The following PJA2 variants were observed in gnomAD, a reference collection of about 807,000 sequenced individuals.
PJA2 encodes E3 ubiquitin-protein ligase Praja-2.
A neutral mutation model predicts 69.3 loss-of-function variants in PJA2; 25 were observed. The observed-to-expected ratio is 0.36, with a 90% confidence interval of 0.26 to 0.50. The LOEUF (loss-of-function observed/expected upper bound fraction) is 0.50. Among genes scored for constraint, PJA2 ranks in the 20% least tolerant of loss-of-function variants. PJA2 has a pLI of 0.96. For synonymous variants in PJA2, 308 were observed against 277.8 expected (o/e 1.11, Z -1.08); for missense variants, 809 against 830.2 (o/e 0.97, Z 0.31).
At chr5:109,344,461 T>G (rs1762141035) in intron 8 of PJA2, 150 bp from the exon 9 acceptor site, 9 of 856,328 alleles carry the variant, frequency 1.1e-5, no homozygotes, top group Non-Finnish European at 1.4e-5. Context: ...GTCTAATACT[T>G]GGCAATTTGG....
chr5:109,368,481 A>T, intron 5 of PJA2, 80 bp downstream of exon 5: 1 of 1,270,008 alleles, frequency 7.9e-7, no homozygotes, highest in South Asian at 1.5e-5. Flanking sequence ...AATACAATTA[A>T]TGGCATATCC....
chr5:109,392,826 G>C (rs529188553), intron 1 of PJA2, among the ~76,000 whole-genome samples: 1 of 152,044 alleles, frequency 6.6e-6, no homozygotes, highest in Non-Finnish European at 1.5e-5. Flanking sequence ...AACGAAATCC[G>C]GCCTGTTTCC....
At chr5:109,387,847 A>G (rs1747194137) in intron 1 of PJA2, among the ~76,000 whole-genome samples, 1 of 152,104 alleles carries the variant, frequency 6.6e-6, no homozygotes, top group African/African-American at 2.4e-5. Flanking sequence ...TTTTTTATTT[A>G]CATACACTTT....
chr5:109,360,173 C>A (rs1762484351), intron 6 of PJA2, among the ~76,000 whole-genome samples: 1 of 152,162 alleles, frequency 6.6e-6, no homozygotes, highest in Admixed American at 6.5e-5. Context: ...TAACTTCTCA[C>A]AATCTTATTA....
chr5:109,367,418 T>C (rs1762603550), intron 5 of PJA2, among the ~76,000 whole-genome samples: 1 of 151,430 alleles, frequency 6.6e-6, no homozygotes, highest in African/African-American at 2.4e-5. Context: ...TTTACCAAAA[T>C]AGTTCCCATG....
intron 2 of PJA2, among the ~76,000 whole-genome samples, chr5:109,381,916 C>T (rs543796620): frequency 6.6e-6 from 1 of 152,122 alleles, no homozygotes; most frequent in East Asian, 1.9e-4. Flanking sequence ...GTGGCCTTTT[C>T]CCTTCAAAAA....
In PJA2 at chr5:109,371,234, G is replaced by A. The variant is rs138038703; in HGVS notation, c.1284-2488C>T. 5.3e-3 allele frequency among the ~76,000 whole-genome samples: 800 copies of A among 152,142 alleles called. 4 individuals are homozygous for A. The highest frequency in any genetic ancestry group is 8.4e-3 in the Non-Finnish European group (571 of 68,006). ...AATGCTAAGGAGACAACTTTTAAAT[G>A]CATATCCCCAGCCAGCCCCAACCAT... On this transcript the variant is annotated intron_variant, in intron 4 of 9. Transcript: ENST00000361189.
chr5:109,386,413 AG>A (rs2127010355), intron 1 of PJA2, among the ~76,000 whole-genome samples: 1 of 152,286 alleles, frequency 6.6e-6, no homozygotes, highest in East Asian at 1.9e-4. Flanking sequence ...TACTAAAGAG[AG>A]GAAAGGAATT....
chr5:109,360,965 T>C (rs781658267), intron 6 of PJA2, among the ~76,000 whole-genome samples: 1 of 152,062 alleles, frequency 6.6e-6, no homozygotes, highest in Non-Finnish European at 1.5e-5. Context: ...CTGTCTGTAC[T>C]GAAAATACAC....
At chr5:109,352,456 A>T (rs1762269482) in intron 7 of PJA2, among the ~76,000 whole-genome samples, 2 of 152,156 alleles carry the variant, frequency 1.3e-5, no homozygotes, top group Non-Finnish European at 2.9e-5. Flanking sequence ...AGTGATCCTT[A>T]ATCTTTATGT....
At chr5:109,387,830 C>T (rs1554055416) in intron 1 of PJA2, among the ~76,000 whole-genome samples, 1 of 152,214 alleles carries the variant, frequency 6.6e-6, no homozygotes, top group Admixed American at 6.5e-5. Context: ...AGACAAAGGC[C>T]TGTTTATTTT....
chr5:109,349,305 G>A (rs1422518840), intron 7 of PJA2, among the ~76,000 whole-genome samples: 1 of 152,170 alleles, frequency 6.6e-6, no homozygotes, highest in African/African-American at 2.4e-5. Context: ...CCTCCTAACA[G>A]CTGGCATGAT....
chr5:109,359,374 C>T (rs1280806049), intron 6 of PJA2, among the ~76,000 whole-genome samples: 1 of 151,696 alleles, frequency 6.6e-6, no homozygotes, highest in Middle Eastern at 3.2e-3. Context: ...GATCAGCACC[C>T]CTAACCCGTG....
At chr5:109,376,667 AAAAT>A (rs1012123999) in intron 4 of PJA2, among the ~76,000 whole-genome samples, 48 of 152,294 alleles carry the variant, frequency 3.2e-4, no homozygotes, top group Middle Eastern at 6.8e-3. Flanking sequence ...CACTTTCAAA[AAAAT>A]AAATTATCAA....
chr5:109,352,681 T>G (rs1447219179), intron 7 of PJA2, among the ~76,000 whole-genome samples: 1 of 151,986 alleles, frequency 6.6e-6, no homozygotes, highest in African/African-American at 2.4e-5. Context: ...GACAGTTATA[T>G]ATGTAAAAAA....
At chr5:109,379,278 A>AT in intron 3 of PJA2, 24 bp from the exon 4 acceptor site, 1 of 1,511,600 alleles carries the variant, frequency 6.6e-7, no homozygotes, top group South Asian at 1.3e-5. Flanking sequence ...AAAAGAAAAC[A>AT]TATTTTAAAG....
chr5:109,363,004 T>A lies in PJA2; in HGVS notation c.1488A>T (p.Glu496Asp), dbSNP rs1028012272. Residue 496 changes from glutamate (E) to aspartate (D), a missense_variant, in exon 6 of 10, where the codon GAA becomes GAT. By Grantham distance (45) the Glu-to-Asp change is conservative. Transcript: ENST00000361189. The part of the protein sequence containing the change: ...SLQEGEQTSL[E>D]EGEIPWLQYN... Reference sequence around the variant, plus strand: ...ACTGTAACCAAGGAATTTCTCCCTCTTCCAAGGATGTCTGTTCCCTAGTAC... The same window carrying A: ...ACTGTAACCAAGGAATTTCTCCCTCATCCAAGGATGTCTGTTCCCTAGTAC... The A allele has an allele frequency of 1.9e-6, 3 of 1,600,988 alleles. No homozygotes were observed. In the African/African-American group the frequency reaches 4.0e-5, roughly 21 times the overall value.
chr5:109,362,758 G>C, intron 6 of PJA2, 82 bp downstream of exon 6: 1 of 1,326,566 alleles, frequency 7.5e-7, no homozygotes, highest in Non-Finnish European at 1.0e-6. Flanking sequence ...ATATTTCTCA[G>C]CTAGCAGAGA....
intron 1 of PJA2, among the ~76,000 whole-genome samples, chr5:109,408,699 G>A (rs920289827): frequency 4.6e-5 from 7 of 152,224 alleles, no homozygotes; most frequent in African/African-American, 1.7e-4. Context: ...TTGTTGAAGT[G>A]TACATCAAAC....
Sources: allele counts gnomAD v4.1 joint callset (sites outside exome capture counted in the v4.1 genomes callset), GRCh38; gene constraint gnomAD v4.1.1; transcripts MANE v1.5; gene names NCBI Gene and HGNC (gene_info 2026-07-23, HGNC 2026-07-21).